CEACAM21: variants seen among roughly 807,000 people sequenced by gnomAD.
The protein encoded by CEACAM21 is CEA cell adhesion molecule 21.
Under a neutral mutation model 33.2 loss-of-function variants are expected in CEACAM21, and 38 were observed. The ratio of observed to expected loss-of-function variants is 1.14; its 90% CI spans 0.88 to 1.50. The LOEUF is 1.50. Ranked by LOEUF, CEACAM21 falls within the 40% of genes most tolerant of loss-of-function variation. The probability of loss-of-function intolerance (pLI) is 0.00; values close to 1 mark genes in which losing one functional copy is unlikely to be tolerated. For synonymous variants in CEACAM21, 156 were observed against 143.0 expected, an observed-to-expected ratio of 1.09 and a Z score of -0.65; for missense variants, 385 against 364.6, an observed-to-expected ratio of 1.06 and a Z score of -0.46.
At chr19:41,556,793 A>G (rs1341404475) in intron 1 of CEACAM21, among the ~76,000 whole-genome samples, 1 of 152,220 alleles carries the variant, frequency 6.6e-6, no homozygotes, top group African/African-American at 2.4e-5. Flanking sequence ...GGCAGTATGA[A>G]CTTCAAAAGA....
At chr19:41,564,413 C>A (rs143475695) in intron 1 of CEACAM21, among the ~76,000 whole-genome samples, 110 of 152,002 alleles carry the variant, frequency 7.2e-4, no homozygotes, top group Admixed American at 2.4e-3. Context: ...CTGAGCTCGC[C>A]TTAGCTAATC....
intron 1 of CEACAM21, among the ~76,000 whole-genome samples, chr19:41,559,289 T>C (rs2041726001): frequency 6.6e-6 from 1 of 152,224 alleles, no homozygotes; most frequent in South Asian, 2.1e-4. Flanking sequence ...CCAGAAAATG[T>C]ATCTTTAGAA....
At chr19:41,565,069 A>G (rs2042157658) in intron 2 of CEACAM21, 1 of 152,462 alleles carries the variant, frequency 6.6e-6, no homozygotes, top group South Asian at 2.1e-4. Context: ...GAGTCTCCCC[A>G]ACCTGCACCA....
chr19:41,580,845 G>T (rs955702867), intron 3 of CEACAM21, among the ~76,000 whole-genome samples: 20 of 152,150 alleles, frequency 1.3e-4, no homozygotes, highest in African/African-American at 4.6e-4. Flanking sequence ...CAAACTCCAG[G>T]TCCCTCCCCA....
chr19:41,559,426 G>T (rs1555786285), intron 1 of CEACAM21, among the ~76,000 whole-genome samples: 3 of 152,090 alleles, frequency 2.0e-5, no homozygotes, highest in African/African-American at 7.2e-5. Context: ...GTACTTGTGG[G>T]CAAATGTAAA....
rs944968376 is a variant in CEACAM21, at chr19:41,577,552, T to G, written c.417T>G (p.Arg139=). The G allele has an allele frequency of 2.5e-6, 4 of 1,613,222 alleles. No individual in the cohort carries two copies. Among genetic ancestry groups the G allele is most frequent in the Admixed American group, 3.3e-5 (2 of 59,826 alleles). ...TTGAACAGGCATCTCACCATCTCCG[T>G]GTATACGGTGAGTGATTCCTCCGTG... ...SQIEQASHHL[R]VYESVAQPSI... Residue 139 remains arginine, a synonymous_variant, in exon 2 of 7, where the codon CGT becomes CGG. Coordinates refer to ENST00000401445, the MANE Select transcript of CEACAM21 (RefSeq NM_001098506.4).
chr19:41,577,112 G>A, intron 1 of CEACAM21, 88 bp from the exon 2 acceptor site: 1 of 1,460,450 alleles, frequency 6.8e-7, no homozygotes, highest in Non-Finnish European at 9.5e-7. Flanking sequence ...CTCTAAGGCT[G>A]AGGGGTGAAG....
At chr19:41,555,871 G>A (rs1408836712) in intron 1 of CEACAM21, among the ~76,000 whole-genome samples, 2 of 152,296 alleles carry the variant, frequency 1.3e-5, no homozygotes, top group East Asian at 1.9e-4. Flanking sequence ...TTATTGCAAC[G>A]GCTCTCAGCC....
chr19:41,562,595 A>G (rs1460204054), intron 1 of CEACAM21, among the ~76,000 whole-genome samples: 3 of 152,252 alleles, frequency 2.0e-5, no homozygotes, highest in African/African-American at 7.2e-5. Flanking sequence ...AATGTGGCAT[A>G]TTAATGCAAC....
At chr19:41,551,028 A>G (rs575526569) in intron 1 of CEACAM21, among the ~76,000 whole-genome samples, 1 of 152,200 alleles carries the variant, frequency 6.6e-6, no homozygotes, top group Non-Finnish European at 1.5e-5. Flanking sequence ...AGCAATGCCC[A>G]TGGGGCAATT....
At chr19:41,570,440 G>A (rs1291194380) in intron 2 of CEACAM21, among the ~76,000 whole-genome samples, 2 of 152,098 alleles carry the variant, frequency 1.3e-5, no homozygotes, top group African/African-American at 2.4e-5. Context: ...AAACTCACCT[G>A]CACTCCTCCA....
At position 41,585,840 on chromosome 19, in the gene CEACAM21, G is replaced by T; in HGVS notation, c.851G>T (p.Gly284Val). The T allele has an allele frequency of 6.2e-7, 1 of 1,612,626 alleles. No homozygotes were observed. Among genetic ancestry groups the T allele is most frequent in the Non-Finnish European group, 8.5e-7 (1 of 1,179,356 alleles). The stretch of plus-strand genomic sequence containing the variant: ...TGCTCACTTTTGTCTCTGTCCCCAG[G>T]CCATGGACCCTCTGACAGCTCCATC... The part of the protein sequence containing the change: ...REQQPPASTP[G>V]HGPSDSSIS The change falls in exon 6 of 7, where the codon GGC becomes GTC. Residue 284 changes from glycine (G) to valine (V), a missense_variant and splice_region_variant. Physicochemically the swap from Gly to Val is moderately radical, Grantham distance 109 (BLOSUM62 -3). Coordinates refer to ENST00000401445, the MANE Select transcript of CEACAM21 (RefSeq NM_001098506.4).
intron 2 of CEACAM21, among the ~76,000 whole-genome samples, chr19:41,569,386 G>C (rs542502070): frequency 1.3e-5 from 2 of 152,044 alleles, no homozygotes; most frequent in East Asian, 3.9e-4. Flanking sequence ...GCTAATTTTT[G>C]TCTTTTTGTA....
intron 1 of CEACAM21, among the ~76,000 whole-genome samples, chr19:41,560,939 A>C (rs2122175213): frequency 6.6e-6 from 1 of 152,338 alleles, no homozygotes; most frequent in African/African-American, 2.4e-5. Flanking sequence ...AAGACCCCAC[A>C]ATATATAGAG....
chr19:41,575,028 A>C (rs1375849667), upstream of CEACAM21, among the ~76,000 whole-genome samples: 1 of 152,258 alleles, frequency 6.6e-6, no homozygotes, highest in Non-Finnish European at 1.5e-5. Context: ...AAGCTGTAAT[A>C]TATGCTACGA....
At chr19:41,557,949 G>A (rs1221709999) in intron 1 of CEACAM21, among the ~76,000 whole-genome samples, 1 of 152,200 alleles carries the variant, frequency 6.6e-6, no homozygotes, top group Non-Finnish European at 1.5e-5. Context: ...AGTAGCAAAT[G>A]ATAGAGCCAG....
intron 2 of CEACAM21, among the ~76,000 whole-genome samples, chr19:41,567,775 A>T (rs1207052325): frequency 6.6e-6 from 1 of 152,222 alleles, no homozygotes; most frequent in East Asian, 1.9e-4. Flanking sequence ...GTTTGGTCTA[A>T]GACTCAAACA....
intron 2 of CEACAM21, among the ~76,000 whole-genome samples, chr19:41,578,081 G>T (rs2043087797): frequency 6.6e-6 from 1 of 152,158 alleles, no homozygotes; most frequent in Non-Finnish European, 1.5e-5. Flanking sequence ...TGGTCACCAG[G>T]CAGGGCTCAG....
At chr19:41,580,665 G>C (rs1358386887) in intron 3 of CEACAM21, among the ~76,000 whole-genome samples, 5 of 152,176 alleles carry the variant, frequency 3.3e-5, no homozygotes, top group Admixed American at 1.3e-4. Flanking sequence ...GGGGTGTGGA[G>C]CTTCCATGCC....
Sources: allele counts gnomAD v4.1 joint callset (sites outside exome capture counted in the v4.1 genomes callset), GRCh38; gene constraint gnomAD v4.1.1; transcripts MANE v1.5; gene names NCBI Gene and HGNC (gene_info 2026-07-23, HGNC 2026-07-21).